The following MBOAT1 variants were observed in gnomAD, a reference collection of about 807,000 sequenced individuals.
The protein encoded by MBOAT1 is membrane bound glycerophospholipid O-acyltransferase 1.
MBOAT1 carries 67 observed loss-of-function variants against 64.4 expected under a neutral mutation model. That is an observed-to-expected ratio of 1.04 (90% confidence interval 0.85 to 1.27). The LOEUF is 1.27. Among genes scored for constraint, MBOAT1 ranks in the 50% most tolerant of loss-of-function variants. MBOAT1 has a pLI of 0.00. For synonymous variants in MBOAT1, 229 were observed against 218.9 expected (o/e 1.05, Z -0.41); for missense variants, 563 against 604.6 (o/e 0.93, Z 0.72).
chr6:20,201,605 G>A (rs1763125416), intron 1 of MBOAT1, among the ~76,000 whole-genome samples: 1 of 149,916 alleles, frequency 6.7e-6, no homozygotes. Context: ...TTTTGAGATG[G>A]AGTCTCATAC....
intron 1 of MBOAT1, among the ~76,000 whole-genome samples, chr6:20,193,492 G>A (rs974992390): frequency 1.4e-4 from 22 of 152,036 alleles, no homozygotes; most frequent in Admixed American, 1.2e-3. Flanking sequence ...TTTCATTTGG[G>A]TATGGCTTTG....
chr6:20,112,403 CCAA>C (rs1222900713), intron 11 of MBOAT1, among the ~76,000 whole-genome samples: 2 of 152,162 alleles, frequency 1.3e-5, no homozygotes, highest in African/African-American at 2.4e-5. Flanking sequence ...AGGTTAACCT[CCAA>C]CAGACTCACT....
At chr6:20,112,379 C>T (rs1025370941) in intron 11 of MBOAT1, among the ~76,000 whole-genome samples, 2 of 152,104 alleles carry the variant, frequency 1.3e-5, no homozygotes, top group Non-Finnish European at 2.9e-5. Context: ...CTGCGTTGGG[C>T]GTGTGAACAC....
chr6:20,193,385 A>G (rs1047549480), intron 1 of MBOAT1, among the ~76,000 whole-genome samples: 3 of 152,110 alleles, frequency 2.0e-5, no homozygotes, highest in Admixed American at 6.6e-5. Flanking sequence ...TGTAATAAGG[A>G]GAGACTGAAT....
intron 10 of MBOAT1, among the ~76,000 whole-genome samples, chr6:20,114,522 A>C: frequency 6.6e-6 from 1 of 152,162 alleles, no homozygotes; most frequent in Non-Finnish European, 1.5e-5. Flanking sequence ...GCAGGCATTA[A>C]CCTTCCTTGA....
chr6:20,109,876 A>C (rs1216926916), intron 11 of MBOAT1, 127 bp from the exon 12 acceptor site: 8 of 401,698 alleles, frequency 2.0e-5, no homozygotes, highest in Middle Eastern at 8.1e-4. Flanking sequence ...TCTGAGTTGT[A>C]TTTTCGACTA....
At chr6:20,157,998 A>G (rs1761744726) in intron 1 of MBOAT1, among the ~76,000 whole-genome samples, 1 of 151,950 alleles carries the variant, frequency 6.6e-6, no homozygotes, top group Admixed American at 6.6e-5. Flanking sequence ...TCTATTAAAA[A>G]CACAAAAATT....
chr6:20,169,895 T>A (rs577648627), intron 1 of MBOAT1, among the ~76,000 whole-genome samples: 8 of 152,282 alleles, frequency 5.3e-5, no homozygotes, highest in African/African-American at 1.9e-4. Context: ...TGGCAACATA[T>A]CCCTAACTCG....
chr6:20,192,634 C>T (rs1249924355), intron 1 of MBOAT1, among the ~76,000 whole-genome samples: 1 of 152,174 alleles, frequency 6.6e-6, no homozygotes, highest in Admixed American at 6.5e-5. Context: ...ATGGGGCTGG[C>T]AATGGGAAAT....
At chr6:20,134,754 G>A (rs2113666093) in intron 4 of MBOAT1, among the ~76,000 whole-genome samples, 1 of 152,244 alleles carries the variant, frequency 6.6e-6, no homozygotes, top group East Asian at 1.9e-4. Context: ...ATATGAAAAT[G>A]TACTTCGCCC....
At chr6:20,147,100 G>A (rs1365384390) in intron 3 of MBOAT1, among the ~76,000 whole-genome samples, 1 of 152,184 alleles carries the variant, frequency 6.6e-6, no homozygotes, top group African/African-American at 2.4e-5. Context: ...CTTGCCTGCT[G>A]CCATGTAAGA....
At chr6:20,199,526 T>C (rs1763059789) in intron 1 of MBOAT1, among the ~76,000 whole-genome samples, 1 of 152,176 alleles carries the variant, frequency 6.6e-6, no homozygotes, top group Non-Finnish European at 1.5e-5. Flanking sequence ...ACAAAAAACT[T>C]AGTCTTTTAC....
chr6:20,109,092 C>A (rs1760042744), intron 12 of MBOAT1, among the ~76,000 whole-genome samples: 1 of 152,168 alleles, frequency 6.6e-6, no homozygotes, highest in African/African-American at 2.4e-5. Context: ...GCCTCAATTC[C>A]ACATATACCC....
At chr6:20,130,148 A>G (rs1049555465) in intron 5 of MBOAT1, among the ~76,000 whole-genome samples, 10 of 152,150 alleles carry the variant, frequency 6.6e-5, no homozygotes, top group African/African-American at 2.2e-4. Flanking sequence ...GTACAAATCC[A>G]CAGAATATAC....
chr6:20,128,880 C>T, intron 5 of MBOAT1, 127 bp from the exon 6 acceptor site: 1 of 659,298 alleles, frequency 1.5e-6, no homozygotes, highest in South Asian at 2.2e-5. Flanking sequence ...ATAAAGAGTT[C>T]CTGTTTTTCA....
At chr6:20,159,690 G>A (rs183501562) in intron 1 of MBOAT1, among the ~76,000 whole-genome samples, 2 of 152,168 alleles carry the variant, frequency 1.3e-5, no homozygotes, top group Admixed American at 1.3e-4. Context: ...TGAGGTGATA[G>A]GTTATGTTAA....
intron 1 of MBOAT1, among the ~76,000 whole-genome samples, chr6:20,167,830 C>T (rs62397920): frequency 6.6e-6 from 1 of 152,212 alleles, no homozygotes; most frequent in Non-Finnish European, 1.5e-5. Context: ...GTGATTAGCA[C>T]AGTGCCTGTC....
intron 1 of MBOAT1, among the ~76,000 whole-genome samples, chr6:20,154,825 T>A (rs1454124428): frequency 6.6e-6 from 1 of 152,204 alleles, no homozygotes; most frequent in Non-Finnish European, 1.5e-5. Context: ...ATTGTTGTAC[T>A]CTGGCAAAAT....
intron 1 of MBOAT1, among the ~76,000 whole-genome samples, chr6:20,207,222 C>T (rs1382202039): frequency 2.0e-5 from 3 of 152,164 alleles, no homozygotes; most frequent in Admixed American, 1.3e-4. Flanking sequence ...TGCACTCATC[C>T]GCAAAACCCT....
Sources: allele counts gnomAD v4.1 joint callset (sites outside exome capture counted in the v4.1 genomes callset), GRCh38; gene constraint gnomAD v4.1.1; transcripts MANE v1.5; gene names NCBI Gene and HGNC (gene_info 2026-07-23, HGNC 2026-07-21).